MYO3A: variants seen among roughly 807,000 people sequenced by gnomAD.
MYO3A encodes myosin IIIA.
MYO3A carries 180 observed loss-of-function variants against 192.7 expected under a neutral mutation model. The ratio of observed to expected loss-of-function variants is 0.93; its 90% CI spans 0.83 to 1.06. The LOEUF (loss-of-function observed/expected upper bound fraction) is 1.06. Ranked by LOEUF, MYO3A falls within the 50% of genes least tolerant of loss-of-function variation. The pLI is 0.00. For synonymous variants in MYO3A, 628 were observed against 645.3 expected (o/e 0.97, Z 0.41); for missense variants, 1,896 against 1,905.0 (o/e 1.00, Z 0.09).
At chr10:26,131,035 AAT>A (rs1257197263) in intron 20 of MYO3A, among the ~76,000 whole-genome samples, 1 of 152,240 alleles carries the variant, frequency 6.6e-6, no homozygotes, top group African/African-American at 2.4e-5. Flanking sequence ...TTCAGAAAGA[AAT>A]AGTGTTCTTA....
chr10:26,163,156 G>A (rs1268987610), intron 26 of MYO3A, among the ~76,000 whole-genome samples: 2 of 152,186 alleles, frequency 1.3e-5, no homozygotes, highest in South Asian at 4.1e-4. Context: ...GAGCTTGCAT[G>A]GTAGTCATCA....
chr10:26,160,784 G>T (rs1264577819), intron 26 of MYO3A, among the ~76,000 whole-genome samples: 1 of 152,152 alleles, frequency 6.6e-6, no homozygotes, highest in African/African-American at 2.4e-5. Context: ...GATTGGATTG[G>T]GTTGGTAGAG....
intron 14 of MYO3A, among the ~76,000 whole-genome samples, chr10:26,078,389 T>C (rs1039966554): frequency 2.0e-5 from 3 of 152,044 alleles, no homozygotes; most frequent in Non-Finnish European, 2.9e-5. Flanking sequence ...AATTTTTTTC[T>C]TTTCTTTTCT....
intron 10 of MYO3A, among the ~76,000 whole-genome samples, chr10:26,035,965 C>T (rs1465794412): frequency 3.3e-5 from 5 of 151,892 alleles, no homozygotes; most frequent in African/African-American, 4.8e-5. Flanking sequence ...ATGGAGTCTC[C>T]GGCTGTCGCC....
At chr10:26,183,479 C>G (rs1367450659) in intron 31 of MYO3A, among the ~76,000 whole-genome samples, 1 of 151,984 alleles carries the variant, frequency 6.6e-6, no homozygotes, top group East Asian at 1.9e-4. Flanking sequence ...GCCAAGATTG[C>G]GCCACTGCAC....
intron 4 of MYO3A, among the ~76,000 whole-genome samples, chr10:25,969,719 T>G (rs191446919): frequency 6.6e-6 from 1 of 152,266 alleles, no homozygotes; most frequent in African/African-American, 2.4e-5. Flanking sequence ...CCCAGTTATA[T>G]TTATAATTAC....
rs147759690 is a variant in MYO3A at position 26,193,287 on chromosome 10, C to T, written c.4521C>T (p.Asp1507=). 3.1e-6 allele frequency: 5 copies of T among 1,613,536 alleles called. No homozygotes were observed. Among genetic ancestry groups the T allele is most frequent in the Non-Finnish European group, 3.4e-6 (4 of 1,179,576 alleles). Residue 1507 remains aspartate (D), a synonymous_variant, in exon 32 of 35, where the codon GAC becomes GAT. Coordinates refer to ENST00000642920, the MANE Select transcript of MYO3A (RefSeq NM_017433.5). ...RKPKTLNNPE[D]STYYYLLHKS... The stretch of plus-strand genomic sequence containing the variant: ...CCAAAACATTAAATAACCCTGAAGA[C>T]TCCACATACTATTATCTACTTCATG...
chr10:26,205,398 C>G (rs577259722), intron 34 of MYO3A, among the ~76,000 whole-genome samples: 4 of 150,346 alleles, frequency 2.7e-5, no homozygotes, highest in Non-Finnish European at 4.4e-5. Flanking sequence ...TGACTGATCT[C>G]TCTCCCCAGT....
intron 4 of MYO3A, among the ~76,000 whole-genome samples, chr10:25,959,371 G>C (rs1237517196): frequency 6.6e-6 from 1 of 152,088 alleles, no homozygotes; most frequent in Non-Finnish European, 1.5e-5. Flanking sequence ...TCAAAGGGTT[G>C]ATGAGATAAA....
intron 10 of MYO3A, among the ~76,000 whole-genome samples, chr10:26,027,774 G>A (rs1027320570): frequency 6.6e-6 from 1 of 152,162 alleles, no homozygotes; most frequent in Admixed American, 6.5e-5. Context: ...TTAATGGCTA[G>A]ATAGCATTCC....
intron 18 of MYO3A, among the ~76,000 whole-genome samples, chr10:26,121,583 C>A (rs1838862373): frequency 6.6e-6 from 1 of 152,084 alleles, no homozygotes; most frequent in Non-Finnish European, 1.5e-5. Flanking sequence ...AACCCTGTCT[C>A]TACTAAAAAT....
At chr10:25,939,826 A>G (rs1324260456) in intron 2 of MYO3A, among the ~76,000 whole-genome samples, 4 of 151,982 alleles carry the variant, frequency 2.6e-5, no homozygotes, top group Admixed American at 6.6e-5. Flanking sequence ...CTGAGAAGGT[A>G]TGTTAAAATC....
chr10:26,175,576 T>C (rs1159061834), intron 30 of MYO3A, among the ~76,000 whole-genome samples: 1 of 152,232 alleles, frequency 6.6e-6, no homozygotes, highest in African/African-American at 2.4e-5. Flanking sequence ...TAACTGCACT[T>C]GGACCCTTCC....
intron 4 of MYO3A, among the ~76,000 whole-genome samples, chr10:25,995,986 G>T (rs774249870): frequency 1.4e-4 from 22 of 152,234 alleles, no homozygotes; most frequent in Non-Finnish European, 2.9e-4. Flanking sequence ...TCCGTTCTCA[G>T]ATCTTAAACT....
At chr10:26,027,148 C>G (rs1421753774) in intron 10 of MYO3A, among the ~76,000 whole-genome samples, 1 of 152,056 alleles carries the variant, frequency 6.6e-6, no homozygotes, top group Non-Finnish European at 1.5e-5. Context: ...CCTTTTGACA[C>G]TATTATTTGT....
intron 12 of MYO3A, among the ~76,000 whole-genome samples, chr10:26,069,175 A>G (rs936022665): frequency 2.0e-5 from 3 of 152,012 alleles, no homozygotes; most frequent in Non-Finnish European, 4.4e-5. Flanking sequence ...AAAAGCATAT[A>G]CTTAAATCTG....
At chr10:26,025,050 C>T (rs750902208) in intron 9 of MYO3A, among the ~76,000 whole-genome samples, 1 of 152,074 alleles carries the variant, frequency 6.6e-6, no homozygotes, top group Non-Finnish European at 1.5e-5. Flanking sequence ...TAAAGTTTTG[C>T]GTGAATAAAA....
intron 14 of MYO3A, among the ~76,000 whole-genome samples, chr10:26,085,731 TCA>T (rs2131492982): frequency 1.3e-5 from 2 of 152,306 alleles, no homozygotes; most frequent in South Asian, 4.1e-4. Flanking sequence ...TCAGCCAGGC[TCA>T]GAGCCTGTGC....
Position 26,190,726 on chromosome 10 carries a change from A to T in MYO3A, c.4439-2479A>T, listed in dbSNP as rs538218845. Among the ~76,000 whole-genome samples, 97 of 152,324 alleles carry T rather than the reference A, an allele frequency of 6.4e-4. 1 individual carries two copies. In the South Asian group the frequency reaches 7.0e-3, roughly 11 times the overall value. ...GCTTAATGATGAAGGGTCAGAGACA[A>T]CAGGGACAGATAAAGGACCTTTGGA... On this transcript the variant is annotated intron_variant, in intron 31 of 34. Coordinates refer to ENST00000642920, the MANE Select transcript of MYO3A (RefSeq NM_017433.5).
Sources: gnomAD v4.1 joint callset for allele counts (sites outside exome capture counted in the v4.1 genomes callset) on GRCh38, gnomAD v4.1.1 for gene constraint, MANE v1.5 for transcripts, NCBI Gene and HGNC (gene_info 2026-07-23, HGNC 2026-07-21) for gene names.